SLC30A8: variants seen among roughly 807,000 people sequenced by gnomAD.
SLC30A8 encodes the protein solute carrier family 30 member 8, also known as proton-coupled zinc antiporter SLC30A8.
Under a neutral mutation model 36.9 loss-of-function variants are expected in SLC30A8, and 27 were observed. The observed-to-expected ratio is 0.73, with a 90% CI of 0.54 to 1.01. SLC30A8 has a LOEUF of 1.01. Among genes scored for constraint, SLC30A8 ranks in the 50% least tolerant of loss-of-function variants. The pLI, the probability that SLC30A8 is intolerant of heterozygous loss-of-function variation, is 0.00. For missense variants in SLC30A8, 439 were observed against 452.0 expected, an observed-to-expected ratio of 0.97 and a Z score of 0.26; for synonymous variants, 164 against 172.4, an observed-to-expected ratio of 0.95 and a Z score of 0.38.
intron 1 of SLC30A8, among the ~76,000 whole-genome samples, chr8:116,959,128 C>G (rs926656537): frequency 5.3e-5 from 8 of 152,112 alleles, no homozygotes; most frequent in Non-Finnish European, 1.2e-4. Flanking sequence ...GGATTACAGG[C>G]ATGAGCAACC....
chr8:116,953,321 A>G (rs1814064320), intron 1 of SLC30A8, among the ~76,000 whole-genome samples: 1 of 151,976 alleles, frequency 6.6e-6, no homozygotes, highest in Non-Finnish European at 1.5e-5. Flanking sequence ...AGAATTTTAT[A>G]TCTCTTATGC....
At chr8:117,100,458 C>T (rs1375106842) in intron 2 of SLC30A8, among the ~76,000 whole-genome samples, 1 of 152,166 alleles carries the variant, frequency 6.6e-6, no homozygotes, top group East Asian at 1.9e-4. Flanking sequence ...AAGCCCCCAA[C>T]ACAAGCCTGC....
intron 2 of SLC30A8, among the ~76,000 whole-genome samples, chr8:117,119,143 T>C (rs1820578486): frequency 6.6e-6 from 1 of 151,932 alleles, no homozygotes; most frequent in Non-Finnish European, 1.5e-5. Flanking sequence ...AGATAGGCTC[T>C]ACTAGTAGGC....
At chr8:116,999,707 G>A (rs1815943036) in intron 1 of SLC30A8, among the ~76,000 whole-genome samples, 1 of 151,996 alleles carries the variant, frequency 6.6e-6, no homozygotes, top group South Asian at 2.1e-4. Flanking sequence ...GATACCATTA[G>A]TATCCCACTT....
intron 1 of SLC30A8, among the ~76,000 whole-genome samples, chr8:116,978,683 T>C (rs1215589404): frequency 6.6e-6 from 1 of 152,236 alleles, no homozygotes; most frequent in Non-Finnish European, 1.5e-5. Flanking sequence ...ACTACAAATA[T>C]GTCTTAAGTG....
intron 2 of SLC30A8, among the ~76,000 whole-genome samples, chr8:117,066,570 G>T (rs1017176669): frequency 6.6e-6 from 1 of 152,088 alleles, no homozygotes; most frequent in African/African-American, 2.4e-5. Flanking sequence ...ACTCCTACTG[G>T]CTTTGGTGAG....
intron 1 of SLC30A8, among the ~76,000 whole-genome samples, chr8:117,028,927 A>G (rs970514329): frequency 6.6e-6 from 1 of 152,146 alleles, no homozygotes; most frequent in African/African-American, 2.4e-5. Context: ...CATTTGCCCT[A>G]GTGACATATT....
chr8:117,061,985 T>A (rs1818035106), intron 2 of SLC30A8, among the ~76,000 whole-genome samples: 1 of 152,162 alleles, frequency 6.6e-6, no homozygotes, highest in Admixed American at 6.5e-5. Context: ...AGGACCAACT[T>A]CTTTTCTGGC....
At chr8:116,973,423 G>A (rs966414697) in intron 1 of SLC30A8, among the ~76,000 whole-genome samples, 1 of 152,138 alleles carries the variant, frequency 6.6e-6, no homozygotes, top group Non-Finnish European at 1.5e-5. Flanking sequence ...AATCATGAGT[G>A]AACTCCCATT....
At chr8:117,157,906 AGTCG>A in intron 4 of SLC30A8, 62 bp downstream of exon 4, 1 of 1,575,130 alleles carries the variant, frequency 6.3e-7, no homozygotes, top group Non-Finnish European at 8.6e-7. Context: ...ATCTGGACAA[AGTCG>A]ACCTTTTAAA....
At chr8:117,166,018 A>G (rs1354898700) in intron 6 of SLC30A8, among the ~76,000 whole-genome samples, 1 of 152,164 alleles carries the variant, frequency 6.6e-6, no homozygotes, top group Non-Finnish European at 1.5e-5. Flanking sequence ...AAAGGATGCA[A>G]AATTACAATG....
At chr8:117,163,926 T>C (rs1171565176) in intron 6 of SLC30A8, 1 of 160,580 alleles carries the variant, frequency 6.2e-6, no homozygotes, top group African/African-American at 2.4e-5. Flanking sequence ...GGTGACCTTT[T>C]ATTTGTTTGT....
At chr8:117,121,807 A>G (rs757831681) in intron 2 of SLC30A8, among the ~76,000 whole-genome samples, 4 of 151,912 alleles carry the variant, frequency 2.6e-5, no homozygotes, top group Non-Finnish European at 4.4e-5. Context: ...GAGAAGCAAA[A>G]AGTAGAATGA....
chr8:117,135,081 G>T lies in SLC30A8; in HGVS notation c.-247G>T. ...ATACACACTTCATGTAATGCTACCT[G>T]CAAGTCTCCCTAGAAAAGCAGTTTT... is the stretch of plus-strand genomic sequence containing the variant. On this transcript the variant is annotated 5_prime_UTR_variant, in exon 1 of 8. Transcript: ENST00000456015. 5.6e-6 allele frequency: 2 copies of T among 355,050 alleles called. No individual in the cohort carries two copies. The highest frequency in any genetic ancestry group is 8.7e-5 in the East Asian group (2 of 22,956). 22.0% of individuals were successfully genotyped at this position (355,050 alleles called of 1,614,324 possible). A position where few individuals can be genotyped will look rare whatever the true frequency, so the allele number is the denominator to read the frequency against.
upstream of SLC30A8, among the ~76,000 whole-genome samples, chr8:117,133,428 T>A (rs1821217610): frequency 6.6e-6 from 1 of 152,014 alleles, no homozygotes; most frequent in African/African-American, 2.4e-5. Context: ...TATAAATAGA[T>A]CTGTACATCC....
chr8:116,962,324 C>T (rs1344799905), intron 1 of SLC30A8, among the ~76,000 whole-genome samples: 4 of 151,882 alleles, frequency 2.6e-5, no homozygotes, highest in African/African-American at 9.7e-5. Flanking sequence ...CTGTGTAGGC[C>T]GATCCTAAGT....
chr8:116,977,402 C>T (rs1815083968), intron 1 of SLC30A8, among the ~76,000 whole-genome samples: 1 of 151,096 alleles, frequency 6.6e-6, no homozygotes, highest in African/African-American at 2.4e-5. Context: ...ATTCGCCTGC[C>T]TCCACCTCCC....
chr8:117,059,637 C>CT (rs1229958959), intron 2 of SLC30A8, among the ~76,000 whole-genome samples: 18 of 152,294 alleles, frequency 1.2e-4, no homozygotes, highest in African/African-American at 4.1e-4. Context: ...TTCTTGGTTT[C>CT]TACTCCATCA....
At chr8:117,114,207 T>C (rs1484484775) in intron 2 of SLC30A8, among the ~76,000 whole-genome samples, 1 of 152,140 alleles carries the variant, frequency 6.6e-6, no homozygotes, top group Non-Finnish European at 1.5e-5. Flanking sequence ...GCTGTCCTAC[T>C]GCTTGTCTAC....
Sources: allele counts gnomAD v4.1 joint callset (sites outside exome capture counted in the v4.1 genomes callset), GRCh38; gene constraint gnomAD v4.1.1; transcripts MANE v1.5; gene names NCBI Gene and HGNC (gene_info 2026-07-23, HGNC 2026-07-21).